Variants in FAM227A observed in about 807,000 individuals in gnomAD.
The protein encoded by FAM227A is family with sequence similarity 227 member A, also known as protein FAM227A.
In FAM227A, 80 loss-of-function variants were observed where a neutral mutation model predicts 74.7. That is an observed-to-expected ratio of 1.07 (90% CI 0.89 to 1.29). The LOEUF (loss-of-function observed/expected upper bound fraction) is 1.29, where lower values mean the gene tolerates loss of function less well. Among genes scored for constraint, FAM227A ranks in the 50% most tolerant of loss-of-function variants. FAM227A has a pLI of 0.00. For synonymous variants in FAM227A, 237 were observed against 241.8 expected (o/e 0.98, Z 0.19); for missense variants, 654 against 683.4 (o/e 0.96, Z 0.48).
Position 38,583,020 on chromosome 22 carries a change from T to C in FAM227A, c.*3105A>G. The C allele has an allele frequency of 6.6e-7, 1 of 1,505,352 alleles. No homozygotes were observed. Among genetic ancestry groups the C allele is most frequent in the Non-Finnish European group, 9.0e-7 (1 of 1,109,194 alleles). The allele number at this position is 1,505,352 out of a possible 1,614,324, so 93.2% of individuals were successfully genotyped here. A position where few individuals can be genotyped will look rare whatever the true frequency, so the allele number is the denominator to read the frequency against. Reference sequence around the variant, plus strand: ...CAGCAACAGACAAAAGATCCAGAAATAGGAAAGTGTGGTTCCTAGAGAAAC... The same window carrying C: ...CAGCAACAGACAAAAGATCCAGAAACAGGAAAGTGTGGTTCCTAGAGAAAC... On this transcript the variant is annotated 3_prime_UTR_variant, in exon 17 of 17. Transcript: ENST00000535113.
At chr22:38,626,891 A>AAAAATATAT (rs1555966996) in intron 8 of FAM227A, among the ~76,000 whole-genome samples, 16 of 57,682 alleles carry the variant, frequency 2.8e-4, no homozygotes, top group African/African-American at 1.4e-3. Flanking sequence ...AAAAAAAAAA[A>AAAAATATAT]ATATATATAT....
chr22:38,621,175 T>G (rs2091681172), intron 10 of FAM227A, among the ~76,000 whole-genome samples: 1 of 151,808 alleles, frequency 6.6e-6, no homozygotes, highest in South Asian at 2.1e-4. Flanking sequence ...TGTCTCACCC[T>G]GTATTTTTGT....
rs533448529 is a variant in FAM227A, at chr22:38,602,315, C to T, written c.1222-2394G>A. ...CCCCAATGTCCCCCTGCCCCCAGTT[C>T]TAACAACTAGAAATGTCTTCAGAGC... On this transcript the variant is annotated intron_variant, in intron 13 of 16. Transcript: ENST00000535113. 3.9e-5 allele frequency among the ~76,000 whole-genome samples: 6 copies of T among 152,300 alleles called. No homozygotes were observed. The East Asian group carries it at 1.2e-3, about 29-fold the overall frequency.
rs1269109898 is a variant in FAM227A, at chr22:38,580,228, CCTCTTTTAAGT to C, written c.*5886_*5896del. 1 of 152,142 alleles carries C rather than the reference CCTCTTTTAAGT, an allele frequency of 6.6e-6. No individual in the cohort carries two copies. 9.4% of individuals were successfully genotyped at this position (152,142 alleles called of 1,614,324 possible). ...GGCCACCATGCTCGGCAACCGATGT[CCTCTTTTAAGT>C]CTCTTTTAATCTATATATTCCCCCT... On this transcript the variant is annotated 3_prime_UTR_variant, in exon 17 of 17. Coordinates refer to ENST00000535113, the MANE Select transcript of FAM227A (RefSeq NM_001013647.2).
Position 38,626,883 on chromosome 22 carries a change from AAAAAAAAAATAT to A in FAM227A, c.727-592_727-581del, listed in dbSNP as rs1320275067. 4.7e-5 allele frequency among the ~76,000 whole-genome samples: 5 copies of A among 105,892 alleles called. No homozygotes were observed. In the East Asian group the frequency reaches 1.3e-3, roughly 28 times the overall value. The allele number at this position is 105,892 out of a possible 152,430, so 69.5% of individuals were successfully genotyped here. On this transcript the variant is annotated intron_variant, in intron 8 of 16. Coordinates refer to ENST00000535113, the MANE Select transcript of FAM227A (RefSeq NM_001013647.2). ...TCTGTCTCAAAAAAAAAAAAAAAAA[AAAAAAAAAATAT>A]ATATATATATATATATATACACGTA...
chr22:38,644,603 A>G (rs1476859241), intron 3 of FAM227A, among the ~76,000 whole-genome samples: 1 of 151,364 alleles, frequency 6.6e-6, no homozygotes, highest in African/African-American at 2.4e-5. Flanking sequence ...TACAACACCA[A>G]GAATCCTATT....
rs1052785253 is a variant in FAM227A at position 38,584,977 on chromosome 22, A to C, written c.*1148T>G. 6.6e-6 allele frequency: 1 copy of C among 151,722 alleles called. No homozygotes were observed. The highest frequency in any genetic ancestry group is 2.4e-5 in the African/African-American group (1 of 41,318). The allele number at this position is 151,722 out of a possible 1,614,324, so 9.4% of individuals were successfully genotyped here. A position where few individuals can be genotyped will look rare whatever the true frequency, so the allele number is the denominator to read the frequency against. ...ACATCCAGCTAATTTTTGTATTTTT[A>C]GTAGAGATGGGGTTTCACCATGTTG... On this transcript the variant is annotated 3_prime_UTR_variant, in exon 17 of 17. Coordinates refer to ENST00000535113, the MANE Select transcript of FAM227A (RefSeq NM_001013647.2).
intron 6 of FAM227A, among the ~76,000 whole-genome samples, chr22:38,633,940 C>T (rs2091957121): frequency 6.6e-6 from 1 of 151,884 alleles, no homozygotes; most frequent in Non-Finnish European, 1.5e-5. Flanking sequence ...AATTATTGGC[C>T]AGGTGTGGTG....
At chr22:38,652,449 A>G (rs2092336119) in intron 1 of FAM227A, among the ~76,000 whole-genome samples, 1 of 151,126 alleles carries the variant, frequency 6.6e-6, no homozygotes, top group African/African-American at 2.4e-5. Flanking sequence ...TTAGCCGGGC[A>G]TGGTGGCGGG....
intron 16 of FAM227A, 137 bp downstream of exon 16, chr22:38,591,298 T>C: frequency 7.1e-7 from 1 of 1,404,106 alleles, no homozygotes; most frequent in Non-Finnish European, 9.3e-7. Context: ...CACTCAGCCT[T>C]GAGGAGAGAG....
chr22:38,654,523 T>G (rs963808281), intron 1 of FAM227A, among the ~76,000 whole-genome samples: 1 of 151,662 alleles, frequency 6.6e-6, no homozygotes, highest in Non-Finnish European at 1.5e-5. Flanking sequence ...ACTGAATAAG[T>G]AAAATTTTAA....
At chr22:38,621,971 T>C (rs1304582285) in intron 10 of FAM227A, among the ~76,000 whole-genome samples, 1 of 152,110 alleles carries the variant, frequency 6.6e-6, no homozygotes, top group Non-Finnish European at 1.5e-5. Flanking sequence ...GGCCTGAGTT[T>C]CCCACTAGAT....
chr22:38,645,665 A>G lies in FAM227A; in HGVS notation c.143-20T>C, dbSNP rs762848386. 6 of 1,510,564 alleles carry G rather than the reference A, an allele frequency of 4.0e-6. No individual in the cohort carries two copies. The South Asian group carries it at 7.2e-5, about 18-fold the overall frequency. 93.6% of individuals were successfully genotyped at this position (1,510,564 alleles called of 1,614,324 possible). A position where few individuals can be genotyped will look rare whatever the true frequency, so the allele number is the denominator to read the frequency against. The stretch of plus-strand genomic sequence containing the variant: ...GGCATGCTGGGAGGTTAGTCTGCTA[A>G]GGAAACTCAGGGTGATGATTACACA... On this transcript the variant is annotated intron_variant, in intron 2 of 16. Coordinates refer to ENST00000535113, the MANE Select transcript of FAM227A (RefSeq NM_001013647.2).
At chr22:38,633,984 G>A (rs562305934) in intron 6 of FAM227A, among the ~76,000 whole-genome samples, 21 of 151,970 alleles carry the variant, frequency 1.4e-4, no homozygotes, top group African/African-American at 4.3e-4. Flanking sequence ...TTTGGGAGGC[G>A]GAGGCAGGTG....
At chr22:38,637,178 A>G (rs1383558608) in intron 5 of FAM227A, among the ~76,000 whole-genome samples, 2 of 152,148 alleles carry the variant, frequency 1.3e-5, no homozygotes, top group South Asian at 2.1e-4. Flanking sequence ...AGTAAAATAT[A>G]TATGTGATTT....
At chr22:38,591,565 T>C (rs907511917) in intron 15 of FAM227A, 25 bp from the exon 16 acceptor site, 31 of 1,503,372 alleles carry the variant, frequency 2.1e-5, no homozygotes, top group Admixed American at 4.4e-5. Context: ...CAGAGACATA[T>C]GGAAAAAGGC....
chr22:38,644,721 C>A (rs970494821), intron 3 of FAM227A, among the ~76,000 whole-genome samples: 1 of 152,150 alleles, frequency 6.6e-6, no homozygotes, highest in Non-Finnish European at 1.5e-5. Flanking sequence ...ATTGTGCATG[C>A]GCAGGAGCAG....
In FAM227A at chr22:38,594,455, G is replaced by A. The variant is rs1046975464; in HGVS notation, c.1532+2749C>T. The stretch of plus-strand genomic sequence containing the variant: ...CACACTGTCTTATAACCTACACTTC[G>A]GTCCAATAATATGTTGTGACCATCT... On this transcript the variant is annotated intron_variant, in intron 15 of 16. Coordinates refer to ENST00000535113, the MANE Select transcript of FAM227A (RefSeq NM_001013647.2). 3.1e-4 allele frequency among the ~76,000 whole-genome samples: 47 copies of A among 152,090 alleles called. 1 individual carries two copies. The highest frequency in any genetic ancestry group is 7.2e-5 in the African/African-American group (3 of 41,400).
chr22:38,628,652 G>A (rs527987748), intron 7 of FAM227A, among the ~76,000 whole-genome samples, 182 bp downstream of exon 7: 18 of 152,178 alleles, frequency 1.2e-4, no homozygotes, highest in Non-Finnish European at 2.4e-4. Flanking sequence ...AGGGCATTGT[G>A]CAATGGCTGA....
Sources: allele counts gnomAD v4.1 joint callset (sites outside exome capture counted in the v4.1 genomes callset), GRCh38; gene constraint gnomAD v4.1.1; transcripts MANE v1.5; gene names NCBI Gene and HGNC (gene_info 2026-07-23, HGNC 2026-07-21).